Variants in ANKS4B observed in about 807,000 individuals in gnomAD.
The protein encoded by ANKS4B is ankyrin repeat and SAM domain-containing protein 4B.
In ANKS4B, 21 loss-of-function variants were observed where a neutral mutation model predicts 20.2. The ratio of observed to expected loss-of-function variants is 1.04; its 90% CI spans 0.74 to 1.50. The LOEUF (loss-of-function observed/expected upper bound fraction) is 1.50, where lower values mean the gene tolerates loss of function less well. ANKS4B is among the 40% of genes most tolerant of loss of function. ANKS4B has a pLI of 0.00. For synonymous variants in ANKS4B, 179 were observed against 194.5 expected, an observed-to-expected ratio of 0.92 and a Z score of 0.66; for missense variants, 473 against 494.6, an observed-to-expected ratio of 0.96 and a Z score of 0.41.
At position 21,233,848 on chromosome 16, in the gene ANKS4B, C is replaced by A; in HGVS notation, c.111C>A (p.Leu37=). ...LSDEDGMTPT[L]LAAYHGNLEA... is the part of the protein sequence containing the mutation. The stretch of plus-strand genomic sequence containing the variant: ...ATGAAGACGGCATGACTCCTACTCT[C>A]TTGGCAGCCTACCATGGGAACTTGG... The change falls in exon 1 of 2, where the codon CTC becomes CTA. Residue 37 remains leucine (L), a synonymous_variant. Coordinates refer to ENST00000311620, the MANE Select transcript of ANKS4B (RefSeq NM_145865.3). The A allele has an allele frequency of 6.2e-7, 1 of 1,613,562 alleles. No individual in the cohort carries two copies. Among genetic ancestry groups the A allele is most frequent in the Non-Finnish European group, 8.5e-7 (1 of 1,179,722 alleles).
At chr16:21,245,773 A>G (rs767259050) in intron 1 of ANKS4B, among the ~76,000 whole-genome samples, 6 of 152,158 alleles carry the variant, frequency 3.9e-5, no homozygotes, top group Non-Finnish European at 8.8e-5. Flanking sequence ...CCTATAAGTG[A>G]TTTTTAAAAA....
chr16:21,236,966 T>C (rs1000873649), intron 1 of ANKS4B, among the ~76,000 whole-genome samples: 1 of 152,228 alleles, frequency 6.6e-6, no homozygotes, highest in Non-Finnish European at 1.5e-5. Flanking sequence ...TAGTTTGTTT[T>C]CCCTAGTTTG....
At chr16:21,236,492 T>C (rs2152859128) in intron 1 of ANKS4B, among the ~76,000 whole-genome samples, 1 of 152,332 alleles carries the variant, frequency 6.6e-6, no homozygotes, top group Admixed American at 6.5e-5. Context: ...ACATTTTGAA[T>C]AGTAATGCTT....
At chr16:21,234,579 C>T (rs1012800341) in intron 1 of ANKS4B, among the ~76,000 whole-genome samples, 2 of 151,192 alleles carry the variant, frequency 1.3e-5, no homozygotes, top group African/African-American at 2.4e-5. Context: ...GCTTGTTCTG[C>T]CTGTTATCAG....
chr16:21,235,226 G>T (rs910832496), intron 1 of ANKS4B, among the ~76,000 whole-genome samples: 2 of 152,302 alleles, frequency 1.3e-5, no homozygotes, highest in East Asian at 3.9e-4. Flanking sequence ...GTGAGGGAAG[G>T]CTTCCCTAAG....
rs750720657 is a variant in ANKS4B, at chr16:21,250,608, C to T, written c.1042C>T (p.Leu348=). 1.2e-6 allele frequency: 2 copies of T among 1,614,090 alleles called. No individual in the cohort carries two copies. The highest frequency in any genetic ancestry group is 2.2e-5 in the East Asian group (1 of 44,876). ...WEEDVVDATP[L]EVFLLSQHLE... ...GGAAGATGTGGTCGATGCCACGCCC[C>T]TGGAAGTGTTCTTGCTGTCTCAGCA... is the stretch of plus-strand genomic sequence containing the variant. Residue 348 remains leucine (L), a synonymous_variant, in exon 2 of 2, where the codon CTG becomes TTG. Transcript: ENST00000311620.
chr16:21,250,005 A>T lies in ANKS4B; in HGVS notation c.439A>T (p.Ile147Phe), dbSNP rs777079146. 1 of 1,614,248 alleles carries T rather than the reference A, an allele frequency of 6.2e-7. No homozygotes were observed. Among genetic ancestry groups the T allele is most frequent in the Non-Finnish European group, 8.5e-7 (1 of 1,180,044 alleles). ...GGCTCAGAAGAATGCCAGGAGGCAG[A>T]TCAAAGAGTGTGAGAGGCTCCAGGA... ...EQAQKNARRQ[I>F]KECERLQEKH... Residue 147 changes from isoleucine (I) to phenylalanine (F), a missense_variant, in exon 2 of 2, where the codon ATC becomes TTC. Ile to Phe is a conservative substitution (Grantham distance 21). Coordinates refer to ENST00000311620, the MANE Select transcript of ANKS4B (RefSeq NM_145865.3).
chr16:21,248,286 G>C (rs1000928051), intron 1 of ANKS4B, among the ~76,000 whole-genome samples: 1 of 148,838 alleles, frequency 6.7e-6, no homozygotes, highest in Non-Finnish European at 1.5e-5. Flanking sequence ...CAGCCTCCCA[G>C]TGCTGGGATT....
Position 21,250,539 on chromosome 16 carries a change from C to T in ANKS4B, c.973C>T (p.Leu325Phe). ...TGATGAAGAGGGAGAGGAAAACGGCCTCAAAGATGATCTGCCGTGGGATGA... is the reference window on the plus strand; with the variant it reads ...TGATGAAGAGGGAGAGGAAAACGGCTTCAAAGATGATCTGCCGTGGGATGA... ...AADEEGEENG[L>F]KDDLPWDDDE... Residue 325 changes from leucine to phenylalanine, a missense_variant, in exon 2 of 2, where the codon CTC becomes TTC. Physicochemically the swap from Leu to Phe is conservative, Grantham distance 22. Transcript: ENST00000311620. 6.2e-7 allele frequency: 1 copy of T among 1,614,160 alleles called. No homozygotes were observed. Among genetic ancestry groups the T allele is most frequent in the Non-Finnish European group, 8.5e-7 (1 of 1,180,030 alleles).
intron 1 of ANKS4B, among the ~76,000 whole-genome samples, chr16:21,241,732 T>A (rs963063353): frequency 2.0e-5 from 3 of 152,196 alleles, no homozygotes; most frequent in African/African-American, 7.2e-5. Context: ...TTTTTATTAA[T>A]TAACAAAAAT....
rs758489650 is a variant in ANKS4B at position 21,249,982 on chromosome 16, C to T, written c.416C>T (p.Ala139Val). 3.1e-6 allele frequency: 5 copies of T among 1,614,182 alleles called. No homozygotes were observed. In the South Asian group the frequency reaches 5.5e-5, roughly 18 times the overall value. ...PKKVTRLKEQ[A>V]QKNARRQIKE... ...AAGGTCACCAGGCTGAAGGAGCAGG[C>T]TCAGAAGAATGCCAGGAGGCAGATC... Residue 139 changes from alanine to valine, a missense_variant, in exon 2 of 2, where the codon GCT (alanine) becomes GTT (valine). By Grantham distance (64) the Ala-to-Val change is moderately conservative. Transcript: ENST00000311620.
chr16:21,251,105 T>G lies in ANKS4B; in HGVS notation c.*285T>G, dbSNP rs549591439. 1.2e-3 allele frequency: 380 copies of G among 327,590 alleles called. No homozygotes were observed. The highest frequency in any genetic ancestry group is 7.2e-3 in the African/African-American group (350 of 48,798). 20.3% of individuals were successfully genotyped at this position (327,590 alleles called of 1,614,324 possible). A position where few individuals can be genotyped will look rare whatever the true frequency, so the allele number is the denominator to read the frequency against. Reference sequence around the variant, plus strand: ...GTTTTTGTGGTTGTTTTGTTTTGTTTTGTTTTGTTTTTTGGAGATGAAGGT... The same window carrying G: ...GTTTTTGTGGTTGTTTTGTTTTGTTGTGTTTTGTTTTTTGGAGATGAAGGT... On this transcript the variant is annotated 3_prime_UTR_variant, in exon 2 of 2. Coordinates refer to ENST00000311620, the MANE Select transcript of ANKS4B (RefSeq NM_145865.3).
intron 1 of ANKS4B, among the ~76,000 whole-genome samples, chr16:21,248,577 A>G (rs915743505): frequency 1.3e-5 from 2 of 151,824 alleles, no homozygotes; most frequent in Non-Finnish European, 2.9e-5. Flanking sequence ...TAAAAATACA[A>G]AAATTAGCTG....
chr16:21,239,254 T>G (rs1351244643), intron 1 of ANKS4B, among the ~76,000 whole-genome samples: 1 of 152,144 alleles, frequency 6.6e-6, no homozygotes, highest in Non-Finnish European at 1.5e-5. Flanking sequence ...ATCTCATTAC[T>G]GGGTATATAC....
intron 1 of ANKS4B, among the ~76,000 whole-genome samples, chr16:21,234,141 C>T (rs1018925969): frequency 9.9e-5 from 15 of 152,278 alleles, no homozygotes; most frequent in Admixed American, 5.2e-4. Context: ...CCCTGAACTA[C>T]GGCATTATCT....
Position 21,251,022 on chromosome 16 carries a change from A to C in ANKS4B, c.*202A>C, listed in dbSNP as rs1050587019. The C allele has an allele frequency of 2.6e-5, 15 of 573,344 alleles. No individual in the cohort carries two copies. The highest frequency in any genetic ancestry group is 4.4e-5 in the Non-Finnish European group (15 of 342,326). The allele number at this position is 573,344 out of a possible 1,614,324, so 35.5% of individuals were successfully genotyped here. ...ATAAATCTCCATGAGAAACTTGAGGAGACTTCATAACAAGAATCTGGCATT... is the reference window on the plus strand; with the variant it reads ...ATAAATCTCCATGAGAAACTTGAGGCGACTTCATAACAAGAATCTGGCATT... On this transcript the variant is annotated 3_prime_UTR_variant, in exon 2 of 2. Transcript: ENST00000311620.
rs1448831618 is a variant in ANKS4B at position 21,253,490 on chromosome 16, G to A, written c.*2670G>A. On this transcript the variant is annotated 3_prime_UTR_variant, in exon 2 of 2. Transcript: ENST00000311620. ...AAATAGAAAGTGCTCAAAAAAGTTT[G>A]TAGTCTGTGCCTGCCACTATTATAT... 1.3e-5 allele frequency: 2 copies of A among 152,166 alleles called. No homozygotes were observed. Among genetic ancestry groups the A allele is most frequent in the Admixed American group, 6.5e-5 (1 of 15,270 alleles). 9.4% of individuals were successfully genotyped at this position (152,166 alleles called of 1,614,324 possible).
intron 1 of ANKS4B, among the ~76,000 whole-genome samples, chr16:21,246,935 C>T (rs1026318435): frequency 6.6e-6 from 1 of 152,176 alleles, no homozygotes; most frequent in African/African-American, 2.4e-5. Flanking sequence ...ATTATAGGAC[C>T]CTGGTCGGAT....
intron 1 of ANKS4B, among the ~76,000 whole-genome samples, chr16:21,237,548 G>T (rs763029991): frequency 1.3e-5 from 2 of 151,126 alleles, no homozygotes; most frequent in Admixed American, 6.6e-5. Flanking sequence ...CCTTGTTGTT[G>T]CATCCTATGG....
Sources: gnomAD v4.1 joint callset for allele counts (sites outside exome capture counted in the v4.1 genomes callset) on GRCh38, gnomAD v4.1.1 for gene constraint, MANE v1.5 for transcripts, NCBI Gene and HGNC (gene_info 2026-07-23, HGNC 2026-07-21) for gene names.